The following MITF variants were observed in gnomAD, a reference collection of about 807,000 sequenced individuals.
MITF encodes the protein microphthalmia-associated transcription factor.
MITF carries 17 observed loss-of-function variants against 60.5 expected under a neutral mutation model. The ratio of observed to expected loss-of-function variants is 0.28; its 90% CI spans 0.19 to 0.42. MITF has a LOEUF of 0.42. Among genes scored for constraint, MITF ranks in the 10% least tolerant of loss-of-function variants. The pLI is 1.00. For missense variants in MITF, 622 were observed against 683.5 expected (o/e 0.91, Z 1.00); for synonymous variants, 260 against 248.5 (o/e 1.05, Z -0.43).
intron 7 of MITF, among the ~76,000 whole-genome samples, chr3:69,952,393 G>A (rs756405290): frequency 2.6e-5 from 4 of 152,012 alleles, no homozygotes; most frequent in East Asian, 1.9e-4. Context: ...TATTTTTTAC[G>A]TGTTTAATTT....
At chr3:69,818,241 C>T (rs776670140) in intron 1 of MITF, among the ~76,000 whole-genome samples, 1 of 152,210 alleles carries the variant, frequency 6.6e-6, no homozygotes, top group Non-Finnish European at 1.5e-5. Flanking sequence ...CCTGCTTCCC[C>T]TTTTCCCCTG....
intron 8 of MITF, 89 bp downstream of exon 8, chr3:69,956,619 T>C: frequency 9.3e-7 from 1 of 1,081,058 alleles, no homozygotes; most frequent in Non-Finnish European, 1.4e-6. Flanking sequence ...TTGTAAAAAC[T>C]AAAGTAAAGA....
intron 1 of MITF, among the ~76,000 whole-genome samples, chr3:69,808,613 A>G (rs1056001997): frequency 1.3e-5 from 2 of 152,042 alleles, no homozygotes; most frequent in Admixed American, 1.3e-4. Context: ...AGTAGGGGAG[A>G]AGGGAGTACG....
rs777666331 is a variant in MITF at position 69,937,917 on chromosome 3, A to G, written c.450A>G (p.Lys150=). The part of the protein sequence containing the change: ...KQYLSTTLAN[K]HANQVLSLPC... ...ACCTTTCTACCACTTTAGCAAATAA[A>G]CATGCCAACCAAGTCCTGAGCTTGC... is the stretch of plus-strand genomic sequence containing the variant. Residue 150 remains lysine, a synonymous_variant, in exon 3 of 10, where the codon AAA becomes AAG. Coordinates refer to ENST00000352241, the MANE Select transcript of MITF (RefSeq NM_001354604.2). 3 of 1,614,120 alleles carry G rather than the reference A, an allele frequency of 1.9e-6. No individual in the cohort carries two copies. The highest frequency in any genetic ancestry group is 1.1e-5 in the South Asian group (1 of 91,076).
intron 9 of MITF, among the ~76,000 whole-genome samples, chr3:69,963,572 T>C (rs2107548378): frequency 6.6e-6 from 1 of 152,322 alleles, no homozygotes; most frequent in East Asian, 1.9e-4. Flanking sequence ...TAAATAACCA[T>C]ATTACTTACT....
chr3:69,879,037 C>G (rs551512291), intron 1 of MITF, 97 bp from the exon 2 acceptor site: 2 of 935,660 alleles, frequency 2.1e-6, no homozygotes, highest in South Asian at 1.3e-5. Context: ...TGCGCAGACT[C>G]ATTTTATAGT....
At chr3:69,872,388 T>C (rs1011874776) in intron 1 of MITF, among the ~76,000 whole-genome samples, 4 of 152,296 alleles carry the variant, frequency 2.6e-5, no homozygotes, top group African/African-American at 7.2e-5. Flanking sequence ...TGTTCGTATG[T>C]TACAGAGGTC....
chr3:69,908,671 G>A (rs1575936462), intron 2 of MITF, among the ~76,000 whole-genome samples: 1 of 152,084 alleles, frequency 6.6e-6, no homozygotes, highest in African/African-American at 2.4e-5. Flanking sequence ...AATGAAATTA[G>A]GTACAACTTT....
rs117343413 is a variant in MITF at position 69,788,061 on chromosome 3, G to A, written c.104+48360G>A. Among the ~76,000 whole-genome samples the A allele has an allele frequency of 4.6e-3, 698 of 151,978 alleles. 13 individuals are homozygous for A. Among genetic ancestry groups the A allele is most frequent in the East Asian group, 0.026 (136 of 5,156 alleles). On this transcript the variant is annotated intron_variant, in intron 1 of 9. Coordinates refer to ENST00000352241, the MANE Select transcript of MITF (RefSeq NM_001354604.2). ...TCACAAGGCTGCATAGACAGGCAGT[G>A]GTGGAGCCAAAACTTGAGCCCAGAT...
chr3:69,962,739 C>T (rs968692364), intron 9 of MITF, among the ~76,000 whole-genome samples: 1 of 152,062 alleles, frequency 6.6e-6, no homozygotes, highest in East Asian at 1.9e-4. Flanking sequence ...GGGATACACT[C>T]AGAAAGGAAA....
intron 1 of MITF, among the ~76,000 whole-genome samples, chr3:69,798,023 T>A (rs557501214): frequency 6.6e-6 from 1 of 152,224 alleles, no homozygotes; most frequent in Non-Finnish European, 1.5e-5. Context: ...ATCCAGAACT[T>A]TTTGTTGGCT....
chr3:69,782,980 A>G (rs151033093), intron 1 of MITF, among the ~76,000 whole-genome samples: 203 of 152,310 alleles, frequency 1.3e-3, no homozygotes, highest in South Asian at 5.4e-3. Flanking sequence ...ATTTCCTACT[A>G]GTGATAAGAA....
chr3:69,831,958 G>C (rs2063454928), intron 1 of MITF, among the ~76,000 whole-genome samples: 1 of 152,146 alleles, frequency 6.6e-6, no homozygotes, highest in Non-Finnish European at 1.5e-5. Context: ...AGCTTCCCTA[G>C]GTATAGCCAG....
chr3:69,899,109 C>A (rs996302635), intron 2 of MITF, among the ~76,000 whole-genome samples: 1 of 152,068 alleles, frequency 6.6e-6, no homozygotes, highest in African/African-American at 2.4e-5. Context: ...AGTGTTTGGG[C>A]CGGGAAGAGT....
At chr3:69,906,487 G>A (rs2065102990) in intron 2 of MITF, among the ~76,000 whole-genome samples, 1 of 152,066 alleles carries the variant, frequency 6.6e-6, no homozygotes, top group South Asian at 2.1e-4. Flanking sequence ...ACTTTGCTTT[G>A]TTGCTTTGGT....
chr3:69,755,447 T>A (rs1398433958), intron 1 of MITF, among the ~76,000 whole-genome samples: 1 of 134,852 alleles, frequency 7.4e-6, no homozygotes, highest in African/African-American at 2.8e-5. Context: ...TTTTTTTTTT[T>A]TTTTTTTTTT....
At chr3:69,828,343 G>A (rs2063389776) in intron 1 of MITF, among the ~76,000 whole-genome samples, 2 of 152,012 alleles carry the variant, frequency 1.3e-5, no homozygotes, top group South Asian at 4.2e-4. Context: ...TAATAAAAAA[G>A]GGCAACTTGT....
At chr3:69,869,137 TG>T (rs2064174104) in intron 1 of MITF, among the ~76,000 whole-genome samples, 1 of 152,152 alleles carries the variant, frequency 6.6e-6, no homozygotes, top group South Asian at 2.1e-4. Flanking sequence ...TTAGATTCTA[TG>T]AGGTAGAATA....
intron 1 of MITF, among the ~76,000 whole-genome samples, chr3:69,758,224 C>A (rs1056122364): frequency 6.6e-6 from 1 of 151,580 alleles, no homozygotes. Flanking sequence ...GATTAGAGTG[C>A]GGGGATGCAA....
Sources: allele counts gnomAD v4.1 joint callset (sites outside exome capture counted in the v4.1 genomes callset), GRCh38; gene constraint gnomAD v4.1.1; transcripts MANE v1.5; gene names NCBI Gene and HGNC (gene_info 2026-07-23, HGNC 2026-07-21).